Variants in B3GALT5 observed in about 807,000 individuals in gnomAD.
B3GALT5 encodes the protein UDP-Gal:betaGlcNAc beta 1,3-galactosyltransferase, polypeptide 5.
For synonymous variants in B3GALT5, 156 were observed against 158.6 expected, an observed-to-expected ratio of 0.98 and a Z score of 0.12; for missense variants, 328 against 396.6, an observed-to-expected ratio of 0.83 and a Z score of 1.47.
In B3GALT5 at chr21:39,671,643, G is replaced by C. The variant is rs1171071517; in HGVS notation, c.*10151G>C. On this transcript the variant is annotated 3_prime_UTR_variant, in exon 4 of 4. Coordinates refer to ENST00000684187, the MANE Select transcript of B3GALT5 (RefSeq NM_001356336.2). The stretch of plus-strand genomic sequence containing the variant: ...TTCGTTCTACGTGACCCCAAAATCT[G>C]TATGTGAACACTAGGAACTTTATCA... 6.6e-6 allele frequency: 1 copy of C among 152,176 alleles called. No individual in the cohort carries two copies. The highest frequency in any genetic ancestry group is 2.4e-5 in the African/African-American group (1 of 41,440). The allele number at this position is 152,176 out of a possible 1,614,324, so 9.4% of individuals were successfully genotyped here. A position where few individuals can be genotyped will look rare whatever the true frequency, so the allele number is the denominator to read the frequency against.
intron 1 of B3GALT5, among the ~76,000 whole-genome samples, chr21:39,631,906 GC>G (rs1569209388): frequency 6.6e-6 from 1 of 152,200 alleles, no homozygotes; most frequent in African/African-American, 2.4e-5. Flanking sequence ...GCATATGAAA[GC>G]ATTAAGAGGA....
At chr21:39,638,874 C>T (rs536255) in intron 1 of B3GALT5, among the ~76,000 whole-genome samples, 29,404 of 152,126 alleles carry the variant, frequency 0.19, 3,055 homozygotes, top group East Asian at 0.37. Context: ...GACAAGGGAA[C>T]TTCTTCTGTT....
intron 1 of B3GALT5, among the ~76,000 whole-genome samples, chr21:39,621,333 T>A (rs2079133108): frequency 1.3e-5 from 2 of 152,208 alleles, no homozygotes; most frequent in African/African-American, 2.4e-5. Context: ...GTATAATTTA[T>A]TAGTGCATTT....
intron 2 of B3GALT5, among the ~76,000 whole-genome samples, chr21:39,659,045 A>G (rs2079481036): frequency 6.6e-6 from 1 of 152,154 alleles, no homozygotes; most frequent in Non-Finnish European, 1.5e-5. Flanking sequence ...GTTTGAGACT[A>G]GCCTGGGCAA....
In B3GALT5 at chr21:39,658,059, C is replaced by T. The variant is rs183739686; in HGVS notation, c.-160-1694C>T. Among the ~76,000 whole-genome samples, 18 of 152,302 alleles carry T rather than the reference C, an allele frequency of 1.2e-4. No homozygotes were observed. In the East Asian group the frequency reaches 3.5e-3, roughly 29 times the overall value. On this transcript the variant is annotated intron_variant, in intron 2 of 3. Transcript: ENST00000684187. ...CTGTCTGCTGGTGCTGCAGGTGCCC[C>T]TACCTCCTCCTTCAGTGGAAGGCTG...
At chr21:39,639,066 C>T (rs1206139385) in intron 1 of B3GALT5, among the ~76,000 whole-genome samples, 2 of 152,170 alleles carry the variant, frequency 1.3e-5, no homozygotes, top group Admixed American at 6.5e-5. Flanking sequence ...CCCACAGCCT[C>T]GCTCCCATAT....
intron 1 of B3GALT5, among the ~76,000 whole-genome samples, chr21:39,615,631 C>T (rs889432150): frequency 6.6e-6 from 1 of 152,184 alleles, no homozygotes; most frequent in African/African-American, 2.4e-5. Context: ...GGTTGCAAAT[C>T]CCAGCTTTGA....
At chr21:39,641,719 A>G (rs1466164319) in intron 1 of B3GALT5, among the ~76,000 whole-genome samples, 3 of 152,196 alleles carry the variant, frequency 2.0e-5, no homozygotes, top group Non-Finnish European at 4.4e-5. Context: ...GTTAAGCATT[A>G]TAAGTGACAT....
chr21:39,623,058 TTTC>T (rs1304915957), intron 1 of B3GALT5, among the ~76,000 whole-genome samples: 3 of 152,056 alleles, frequency 2.0e-5, no homozygotes, highest in African/African-American at 7.2e-5. Context: ...TTTCTTTTCT[TTTC>T]TTTTCTTTTC....
intron 1 of B3GALT5, among the ~76,000 whole-genome samples, chr21:39,645,102 G>A (rs10483056): frequency 0.12 from 17,758 of 152,138 alleles, 1,201 homozygotes; most frequent in Non-Finnish European, 0.16. Context: ...AAGACACCAC[G>A]TATTTCTCTG....
rs1428977189 is a variant in B3GALT5, at chr21:39,660,601, G to A, written c.42G>A (p.Leu14=). 2 of 1,446,270 alleles carry A rather than the reference G, an allele frequency of 1.4e-6. No homozygotes were observed. Among genetic ancestry groups the A allele is most frequent in the Non-Finnish European group, 1.8e-6 (2 of 1,097,582 alleles). 89.6% of individuals were successfully genotyped at this position (1,446,270 alleles called of 1,614,324 possible). Residue 14 remains leucine, a synonymous_variant, in exon 4 of 4, where the codon CTG becomes CTA. Coordinates refer to ENST00000684187, the MANE Select transcript of B3GALT5 (RefSeq NM_001356336.2). ...PKMRLMYICL[L]VLGALCLYFS... ...TGAGATTGATGTATATTTGCCTTCTGGTTCTGGGGGCTCTTTGTTTGTATT... is the reference window on the plus strand; with the variant it reads ...TGAGATTGATGTATATTTGCCTTCTAGTTCTGGGGGCTCTTTGTTTGTATT...
chr21:39,617,039 G>A (rs1419007920), intron 1 of B3GALT5, among the ~76,000 whole-genome samples: 2 of 152,188 alleles, frequency 1.3e-5, no homozygotes, highest in Non-Finnish European at 2.9e-5. Flanking sequence ...TTGCTTAGAT[G>A]TAGAAGACAA....
At chr21:39,637,857 T>A (rs536442457) in intron 1 of B3GALT5, among the ~76,000 whole-genome samples, 2 of 152,252 alleles carry the variant, frequency 1.3e-5, no homozygotes, top group South Asian at 4.1e-4. Flanking sequence ...CAGTCCATGG[T>A]TTGGCTGCAA....
At chr21:39,657,616 G>T in intron 2 of B3GALT5, 1 of 315,884 alleles carries the variant, frequency 3.2e-6, no homozygotes, top group Non-Finnish European at 5.8e-6. Context: ...CCCAACCTCC[G>T]TAATCACGCT....
rs2079536905 is a variant in B3GALT5, at chr21:39,662,386, G to A, written c.*894G>A. The A allele has an allele frequency of 6.0e-6, 1 of 167,250 alleles. No homozygotes were observed. The highest frequency in any genetic ancestry group is 1.5e-5 in the Non-Finnish European group (1 of 68,128). The allele number at this position is 167,250 out of a possible 1,614,324, so 10.4% of individuals were successfully genotyped here. On this transcript the variant is annotated 3_prime_UTR_variant, in exon 4 of 4. Transcript: ENST00000684187. ...ATGGGGACCAGCCACTGCCCCAGGA[G>A]CACTTTAGGGCTCTCAGTTCAAACT...
At chr21:39,639,593 C>T (rs944795366) in intron 1 of B3GALT5, among the ~76,000 whole-genome samples, 3 of 151,398 alleles carry the variant, frequency 2.0e-5, no homozygotes, top group African/African-American at 7.3e-5. Flanking sequence ...AATTCTCCTG[C>T]CTCAGCCTCC....
chr21:39,672,870 C>A lies in B3GALT5; in HGVS notation c.*11378C>A, dbSNP rs2079643127. On this transcript the variant is annotated 3_prime_UTR_variant, in exon 4 of 4. Coordinates refer to ENST00000684187, the MANE Select transcript of B3GALT5 (RefSeq NM_001356336.2). ...AGCAAAGCAATGGGACCCTACGCTT[C>A]AGAGTCTTAATGGGGTGGGGCAGTG... 6.6e-6 allele frequency: 1 copy of A among 152,172 alleles called. No individual in the cohort carries two copies. Among genetic ancestry groups the A allele is most frequent in the Non-Finnish European group, 1.5e-5 (1 of 68,040 alleles). The allele number at this position is 152,172 out of a possible 1,614,324, so 9.4% of individuals were successfully genotyped here. A position where few individuals can be genotyped will look rare whatever the true frequency, so the allele number is the denominator to read the frequency against.
chr21:39,657,855 G>A (rs2079463699), intron 2 of B3GALT5: 2 of 1,231,776 alleles, frequency 1.6e-6, no homozygotes, highest in Admixed American at 4.2e-5. Context: ...TGACTGGCTG[G>A]TCAGGCCATA....
Position 39,646,519 on chromosome 21 carries a change from G to C in B3GALT5, c.-264G>C, listed in dbSNP as rs562542145. On this transcript the variant is annotated 5_prime_UTR_variant, in exon 2 of 4. Coordinates refer to ENST00000684187, the MANE Select transcript of B3GALT5 (RefSeq NM_001356336.2). ...AGCTTCATTTCTCATTTGTTCATTC[G>C]AAAGTCTCCACTGGGCTTCTGAGTG... The C allele has an allele frequency of 6.6e-6, 1 of 152,128 alleles. No individual in the cohort carries two copies. Among genetic ancestry groups the C allele is most frequent in the Non-Finnish European group, 1.5e-5 (1 of 68,032 alleles). The allele number at this position is 152,128 out of a possible 1,614,324, so 9.4% of individuals were successfully genotyped here. A position where few individuals can be genotyped will look rare whatever the true frequency, so the allele number is the denominator to read the frequency against.
Sources: gnomAD v4.1 joint callset for allele counts (sites outside exome capture counted in the v4.1 genomes callset) on GRCh38, gnomAD v4.1.1 for gene constraint, MANE v1.5 for transcripts, NCBI Gene and HGNC (gene_info 2026-07-23, HGNC 2026-07-21) for gene names.